The following SHANK2 variants were observed in gnomAD, a reference collection of about 807,000 sequenced individuals.
The protein encoded by SHANK2 is SH3 and multiple ankyrin repeat domains protein 2.
Under a neutral mutation model 133.7 loss-of-function variants are expected in SHANK2, and 43 were observed. The ratio of observed to expected loss-of-function variants is 0.32; its 90% CI spans 0.25 to 0.41. The LOEUF is 0.41. SHANK2 is among the 10% of genes least tolerant of loss of function. SHANK2 has a pLI of 1.00. For missense variants in SHANK2, 1,994 were observed against 2,235.8 expected (o/e 0.89, Z 2.18); for synonymous variants, 1,017 against 952.8 (o/e 1.07, Z -1.24).
At chr11:71,247,513 A>C (rs1555125179) in intron 1 of SHANK2, among the ~76,000 whole-genome samples, 1 of 143,500 alleles carries the variant, frequency 7.0e-6, no homozygotes, top group African/African-American at 2.5e-5. Flanking sequence ...AGGGACAGAC[A>C]AAAAAAAAAA....
intron 2 of SHANK2, among the ~76,000 whole-genome samples, chr11:71,169,514 G>A (rs1953263796): frequency 6.6e-6 from 1 of 152,160 alleles, no homozygotes; most frequent in Admixed American, 6.5e-5. Context: ...ACTTTGGGAG[G>A]CCGAGGCGGG....
At chr11:70,503,113 C>T (rs965284592) in intron 17 of SHANK2, among the ~76,000 whole-genome samples, 182 bp from the exon 18 acceptor site, 2 of 152,232 alleles carry the variant, frequency 1.3e-5, no homozygotes, top group Non-Finnish European at 2.9e-5. Context: ...ATGAATGCTG[C>T]TGTGACTGTG....
chr11:70,683,635 G>A (rs186739864), intron 15 of SHANK2, among the ~76,000 whole-genome samples: 2 of 152,296 alleles, frequency 1.3e-5, no homozygotes, highest in African/African-American at 2.4e-5. Context: ...GCAGGGCCAC[G>A]CTCCCTCAGG....
Position 70,780,763 on chromosome 11 carries a change from G to A in SHANK2, c.1777+17680C>T, listed in dbSNP as rs138486163. Among the ~76,000 whole-genome samples, 185 of 151,980 alleles carry A rather than the reference G, an allele frequency of 1.2e-3. 1 individual carries two copies. Among genetic ancestry groups the A allele is most frequent in the African/African-American group, 4.3e-3 (179 of 41,466 alleles). On this transcript the variant is annotated intron_variant, in intron 14 of 25. Transcript: ENST00000601538. ...AATTTTTTGTACTTTTAGTAGAGAC[G>A]GGGATTCACCATGTTGGTCACGCTG...
chr11:70,729,625 C>T (rs568211255), intron 14 of SHANK2, among the ~76,000 whole-genome samples: 54 of 151,350 alleles, frequency 3.6e-4, no homozygotes, highest in African/African-American at 1.1e-3. Flanking sequence ...CCCAGGTTCA[C>T]GCCATTCTCC....
chr11:70,837,993 A>G (rs1339134726), intron 11 of SHANK2, among the ~76,000 whole-genome samples: 17 of 150,590 alleles, frequency 1.1e-4, no homozygotes, highest in South Asian at 2.1e-4. Context: ...AAAAAAAAAA[A>G]AAAAAAAAGA....
chr11:70,517,697 G>C (rs1554970360), intron 17 of SHANK2, among the ~76,000 whole-genome samples: 2 of 152,200 alleles, frequency 1.3e-5, no homozygotes, highest in Non-Finnish European at 2.9e-5. Flanking sequence ...TGGTTGCCAA[G>C]GGCTCAGGGG....
At chr11:70,703,008 G>A (rs1341771539) in intron 14 of SHANK2, among the ~76,000 whole-genome samples, 1 of 152,220 alleles carries the variant, frequency 6.6e-6, no homozygotes, top group African/African-American at 2.4e-5. Context: ...TAATGCTGTC[G>A]TGGTCATACA....
At chr11:70,608,388 C>G (rs1554993169) in intron 17 of SHANK2, among the ~76,000 whole-genome samples, 1 of 152,154 alleles carries the variant, frequency 6.6e-6, no homozygotes, top group Non-Finnish European at 1.5e-5. Context: ...TCCAAGGCCA[C>G]CTGGCGATGG....
At chr11:70,502,971 C>A in intron 17 of SHANK2, 40 bp from the exon 18 acceptor site, 1 of 1,612,286 alleles carries the variant, frequency 6.2e-7, no homozygotes, top group Non-Finnish European at 8.5e-7. Flanking sequence ...TGAGAGCCAG[C>A]GGAGAGGAAG....
intron 16 of SHANK2, among the ~76,000 whole-genome samples, chr11:70,660,376 G>A (rs1289299797): frequency 6.6e-6 from 1 of 152,178 alleles, no homozygotes. Context: ...CGCAACCAAG[G>A]GAATTCAACT....
intron 14 of SHANK2, among the ~76,000 whole-genome samples, chr11:70,730,801 T>C (rs1694225103): frequency 6.6e-6 from 1 of 151,252 alleles, no homozygotes; most frequent in African/African-American, 2.4e-5. Flanking sequence ...CTCACTGCTA[T>C]GCCTGGGACC....
intron 17 of SHANK2, among the ~76,000 whole-genome samples, chr11:70,596,086 A>AC (rs781859764): frequency 4.6e-5 from 7 of 152,212 alleles, no homozygotes; most frequent in Non-Finnish European, 8.8e-5. Context: ...GAGGGAGTCC[A>AC]CCCAGCTGAC....
chr11:71,130,575 C>T (rs1183990738), intron 3 of SHANK2, among the ~76,000 whole-genome samples: 2 of 152,128 alleles, frequency 1.3e-5, no homozygotes, highest in Admixed American at 1.3e-4. Context: ...GTCTTATTGC[C>T]ATGGGTTATC....
At chr11:71,249,872 C>A (rs556427406) in intron 1 of SHANK2, among the ~76,000 whole-genome samples, 2 of 152,270 alleles carry the variant, frequency 1.3e-5, no homozygotes, top group South Asian at 4.1e-4. Context: ...AAATGCAATG[C>A]GGTCTCAGAA....
chr11:71,076,059 C>T (rs1316501744), intron 8 of SHANK2, among the ~76,000 whole-genome samples: 1 of 152,174 alleles, frequency 6.6e-6, no homozygotes, highest in Non-Finnish European at 1.5e-5. Context: ...GGGCCTCACA[C>T]GAGGCTGGGC....
At position 70,703,724 on chromosome 11, in the gene SHANK2, C is replaced by T. The variant is rs576727596; in HGVS notation, c.1778-4961G>A. ...AACAAAGGATGCTGGCTGTTTCCTG[C>T]CGCTGAGAGGTCAGCTTCCCAGGTG... is the stretch of plus-strand genomic sequence containing the variant. On this transcript the variant is annotated intron_variant, in intron 14 of 25. Coordinates refer to ENST00000601538, the MANE Select transcript of SHANK2 (RefSeq NM_012309.5). Among the ~76,000 whole-genome samples, 28 of 152,346 alleles carry T rather than the reference C, an allele frequency of 1.8e-4. 1 individual carries two copies. The highest frequency in any genetic ancestry group is 5.3e-4 in the African/African-American group (22 of 41,576).
At chr11:71,218,927 C>G (rs919178253) in intron 2 of SHANK2, among the ~76,000 whole-genome samples, 33 of 152,326 alleles carry the variant, frequency 2.2e-4, no homozygotes, top group African/African-American at 7.5e-4. Context: ...TCCCAAGCAG[C>G]CTTCTCTGTA....
At chr11:71,094,015 A>C (rs1473529321) in intron 7 of SHANK2, among the ~76,000 whole-genome samples, 1 of 152,022 alleles carries the variant, frequency 6.6e-6, no homozygotes, top group Non-Finnish European at 1.5e-5. Flanking sequence ...CGCGGAACCC[A>C]CAACAGGGCA....
Sources: allele counts gnomAD v4.1 joint callset (sites outside exome capture counted in the v4.1 genomes callset), GRCh38; gene constraint gnomAD v4.1.1; transcripts MANE v1.5; gene names NCBI Gene and HGNC (gene_info 2026-07-23, HGNC 2026-07-21).